The following ANXA8 variants were observed in gnomAD, a reference collection of about 807,000 sequenced individuals.
ANXA8 encodes annexin A8.
In ANXA8, 9 loss-of-function variants were observed where a neutral mutation model predicts 26.8. The ratio of observed to expected loss-of-function variants is 0.34; its 90% CI spans 0.20 to 0.59. ANXA8 has a LOEUF of 0.59. ANXA8 is among the 20% of genes least tolerant of loss of function. The pLI is 0.84. For missense variants in ANXA8, 83 were observed against 238.5 expected, an observed-to-expected ratio of 0.35 and a Z score of 4.29; for synonymous variants, 39 against 94.8, an observed-to-expected ratio of 0.41 and a Z score of 3.42.
chr10:47,669,038 T>C, the ANXA8 span, among the ~76,000 whole-genome samples: 1 of 151,812 alleles, frequency 6.6e-6, no homozygotes, highest in Non-Finnish European at 1.5e-5. Flanking sequence ...TCAGTACATA[T>C]GTGTTTTCTT....
the ANXA8 span, among the ~76,000 whole-genome samples, chr10:47,741,250 T>C: frequency 2.6e-5 from 2 of 78,052 alleles, no homozygotes; most frequent in Non-Finnish European, 5.2e-5. Context: ...ATATGTATTA[T>C]TGATATTTCA....
At chr10:47,908,912 T>G in the ANXA8 span, among the ~76,000 whole-genome samples, 11,237 of 17,470 alleles carry the variant, frequency 0.64, 3,927 homozygotes, top group African/African-American at 0.72. Context: ...CAGTACCTTT[T>G]GGGAGATAAT....
chr10:47,581,923 T>A, the ANXA8 span, among the ~76,000 whole-genome samples: 3 of 150,068 alleles, frequency 2.0e-5, no homozygotes, highest in Admixed American at 2.0e-4. Context: ...TTATTTCTAA[T>A]TAAAACCCAA....
At chr10:47,974,084 A>T in the ANXA8 span, among the ~76,000 whole-genome samples, 14 of 150,806 alleles carry the variant, frequency 9.3e-5, no homozygotes, top group African/African-American at 3.4e-4. Flanking sequence ...TTTTCTGAGG[A>T]TCTTTTGTAT....
At chr10:47,767,866 G>A in the ANXA8 span, among the ~76,000 whole-genome samples, 2 of 149,602 alleles carry the variant, frequency 1.3e-5, no homozygotes, top group African/African-American at 5.0e-5. Context: ...GATGGAGCCA[G>A]CACAGGTGCT....
At chr10:47,570,611 G>A in the ANXA8 span, among the ~76,000 whole-genome samples, 3 of 149,922 alleles carry the variant, frequency 2.0e-5, no homozygotes, top group South Asian at 2.1e-4. Context: ...GCGAGACCCC[G>A]TCTCTACAAA....
the ANXA8 span, among the ~76,000 whole-genome samples, chr10:47,918,391 A>G: frequency 3.5e-3 from 62 of 17,500 alleles, 1 homozygote; most frequent in African/African-American, 0.03. Context: ...GAGAGAAAGA[A>G]AGAAAGAAAG....
the ANXA8 span, among the ~76,000 whole-genome samples, chr10:47,522,123 T>C: frequency 6.8e-6 from 1 of 146,224 alleles, no homozygotes; most frequent in Admixed American, 6.9e-5. Flanking sequence ...CAAGATGCTA[T>C]TGTCAGGAGG....
At chr10:47,595,186 G>C in the ANXA8 span, among the ~76,000 whole-genome samples, 4 of 148,388 alleles carry the variant, frequency 2.7e-5, 1 homozygote, top group African/African-American at 5.2e-5. Flanking sequence ...AAACGAAGGA[G>C]AGATTGAGTC....
chr10:47,776,160 G>A, the ANXA8 span, among the ~76,000 whole-genome samples: 1 of 151,828 alleles, frequency 6.6e-6, no homozygotes, highest in East Asian at 1.9e-4. Flanking sequence ...TTCTGAAGTT[G>A]TCTCGCCTAT....
chr10:47,681,576 G>A, the ANXA8 span, among the ~76,000 whole-genome samples: 1 of 113,650 alleles, frequency 8.8e-6, no homozygotes, highest in Admixed American at 1.0e-4. Flanking sequence ...CTGTCATCCA[G>A]GCTGGAGTGC....
the ANXA8 span, among the ~76,000 whole-genome samples, chr10:47,498,056 T>C: frequency 6.6e-6 from 1 of 150,534 alleles, no homozygotes; most frequent in Non-Finnish European, 1.5e-5. Context: ...AGCCCTTGGG[T>C]TGGGTAATGT....
the ANXA8 span, among the ~76,000 whole-genome samples, chr10:47,941,646 G>T: frequency 1.4e-5 from 2 of 140,538 alleles, 1 homozygote; most frequent in Non-Finnish European, 3.1e-5. Flanking sequence ...CTCAAAAAAA[G>T]AAAAAAAAAA....
chr10:47,943,871 G>A, the ANXA8 span, among the ~76,000 whole-genome samples: 1 of 147,598 alleles, frequency 6.8e-6, no homozygotes, highest in South Asian at 2.1e-4. Flanking sequence ...GCCTGGTCCG[G>A]GGCAGTCTGG....
chr10:47,497,031 T>C, the ANXA8 span, among the ~76,000 whole-genome samples: 3 of 151,234 alleles, frequency 2.0e-5, no homozygotes, highest in Admixed American at 6.6e-5. Context: ...CGTTAAAATT[T>C]TTTTTCAGGC....
At chr10:47,647,303 A>G in the ANXA8 span, among the ~76,000 whole-genome samples, 1 of 150,646 alleles carries the variant, frequency 6.6e-6, no homozygotes, top group African/African-American at 2.4e-5. Context: ...TTTTTTGTTT[A>G]TTTATATAGT....
the ANXA8 span, among the ~76,000 whole-genome samples, chr10:47,955,159 C>T: frequency 6.7e-6 from 1 of 149,664 alleles, no homozygotes; most frequent in Non-Finnish European, 1.5e-5. Flanking sequence ...AGTTCCCTTG[C>T]ACAAGCTCTC....
At chr10:47,723,639 C>G in the ANXA8 span, among the ~76,000 whole-genome samples, 20 of 140,108 alleles carry the variant, frequency 1.4e-4, 6 homozygotes, top group East Asian at 5.7e-3. Context: ...TCTTTAAATG[C>G]TGGGGTTAAT....
the ANXA8 span, among the ~76,000 whole-genome samples, chr10:47,633,909 C>G: frequency 1.4e-5 from 2 of 140,446 alleles, no homozygotes; most frequent in African/African-American, 5.9e-5. Context: ...CTAGATGGGT[C>G]CGCACAACCC....
Sources: allele counts gnomAD v4.1 joint callset (sites outside exome capture counted in the v4.1 genomes callset), GRCh38; gene constraint gnomAD v4.1.1; transcripts MANE v1.5; gene names NCBI Gene and HGNC (gene_info 2026-07-23, HGNC 2026-07-21).